PLCG1: variants seen among roughly 807,000 people sequenced by gnomAD.
The protein encoded by PLCG1 is 1-phosphatidylinositol 4,5-bisphosphate phosphodiesterase gamma-1.
A neutral mutation model predicts 177.8 loss-of-function variants in PLCG1; 71 were observed. The ratio of observed to expected loss-of-function variants is 0.40; its 90% CI spans 0.33 to 0.49. The LOEUF is 0.49. Ranked by LOEUF, PLCG1 falls within the 20% of genes least tolerant of loss-of-function variation. The probability of loss-of-function intolerance (pLI) is 0.72; values close to 1 mark genes in which losing one functional copy is unlikely to be tolerated. For synonymous variants in PLCG1, 658 were observed against 647.9 expected, an observed-to-expected ratio of 1.02 and a Z score of -0.24; for missense variants, 1,281 against 1,709.0, an observed-to-expected ratio of 0.75 and a Z score of 4.42.
chr20:41,172,135 T>C lies in PLCG1; in HGVS notation c.2809-58T>C. 1 of 1,399,174 alleles carries C rather than the reference T, an allele frequency of 7.1e-7. No individual in the cohort carries two copies. The highest frequency in any genetic ancestry group is 1.0e-6 in the Non-Finnish European group (1 of 983,834). The allele number at this position is 1,399,174 out of a possible 1,614,324, so 86.7% of individuals were successfully genotyped here. ...GGGCATGCCCAAGGTTGGCAGGGGCTTCCTTCTCCTGGGCAGGGCTGTAGC... is the reference window on the plus strand; with the variant it reads ...GGGCATGCCCAAGGTTGGCAGGGGCCTCCTTCTCCTGGGCAGGGCTGTAGC... On this transcript the variant is annotated intron_variant, in intron 24 of 31. Coordinates refer to ENST00000685551, the MANE Select transcript of PLCG1 (RefSeq NM_002660.3). The surrounding 1 kb of genome is among the most constrained non-coding windows in gnomAD (Gnocchi z 7.0).
In PLCG1 at chr20:41,173,883, G is replaced by A. The variant is rs2035980102; in HGVS notation, c.3557-40G>A. The A allele has an allele frequency of 6.2e-7, 1 of 1,611,992 alleles. No homozygotes were observed. Among genetic ancestry groups the A allele is most frequent in the South Asian group, 1.1e-5 (1 of 90,996 alleles). On this transcript the variant is annotated intron_variant, in intron 29 of 31. Transcript: ENST00000685551. This position sits in a 1 kb window ranked among gnomAD's most constrained non-coding sequence, Gnocchi z 6.2. ...AGGGTGGGGCTGGGCCCCTTGCTCT[G>A]TCCCTCGTGGGCTGAGGGCCAGGCT...
Position 41,163,968 on chromosome 20 carries a change from A to G in PLCG1, c.1058A>G (p.Tyr353Cys). The change falls in exon 11 of 32, where the codon TAT becomes TGT. Residue 353 changes from tyrosine (Y) to cysteine (C), a missense_variant. Physicochemically the swap from Tyr to Cys is radical, Grantham distance 194 (BLOSUM62 -2). Transcript: ENST00000685551. The surrounding 1 kb of genome is among the most constrained non-coding windows in gnomAD (Gnocchi z 5.2). Reference sequence around the variant, plus strand: ...TCCAGTGAGTCCTCCTTGGAAGCCTATGCTCGCTGCCTGCGGATGGGCTGT... The same window carrying G: ...TCCAGTGAGTCCTCCTTGGAAGCCTGTGCTCGCTGCCTGCGGATGGGCTGT... ...QFSSESSLEA[Y>C]ARCLRMGCRC... 1.2e-6 allele frequency: 2 copies of G among 1,614,112 alleles called. No homozygotes were observed. The highest frequency in any genetic ancestry group is 1.7e-6 in the Non-Finnish European group (2 of 1,180,012).
In PLCG1 at chr20:41,174,771, G is replaced by A; in HGVS notation, c.*262G>A. 1 of 498,818 alleles carries A rather than the reference G, an allele frequency of 2.0e-6. No homozygotes were observed. The highest frequency in any genetic ancestry group is 3.6e-6 in the Non-Finnish European group (1 of 274,662). The allele number at this position is 498,818 out of a possible 1,614,324, so 30.9% of individuals were successfully genotyped here. On this transcript the variant is annotated 3_prime_UTR_variant, in exon 32 of 32. Coordinates refer to ENST00000685551, the MANE Select transcript of PLCG1 (RefSeq NM_002660.3). The surrounding 1 kb of genome is among the most constrained non-coding windows in gnomAD (Gnocchi z 5.8). ...GCACACACATCTGGCCCTGACTTCT[G>A]GAGATGGATCCTTCCATCTTGTGGG...
rs200209936 is a variant in PLCG1, at chr20:41,169,197, T to G, written c.2580+22T>G. 557 of 1,499,138 alleles carry G rather than the reference T, an allele frequency of 3.7e-4. 4 individuals are homozygous for G. Among genetic ancestry groups the G allele is most frequent in the South Asian group, 3.2e-3 (282 of 88,696 alleles). The allele number at this position is 1,499,138 out of a possible 1,614,324, so 92.9% of individuals were successfully genotyped here. A position where few individuals can be genotyped will look rare whatever the true frequency, so the allele number is the denominator to read the frequency against. On this transcript the variant is annotated intron_variant, in intron 22 of 31. Coordinates refer to ENST00000685551, the MANE Select transcript of PLCG1 (RefSeq NM_002660.3). Reference sequence around the variant, plus strand: ...GGAGGTAAGACCAGAACCACCTGAGTAACAGCATTCCCTATTCCCAGATTC... The same window carrying G: ...GGAGGTAAGACCAGAACCACCTGAGGAACAGCATTCCCTATTCCCAGATTC...
chr20:41,173,269 C>T lies in PLCG1; in HGVS notation c.3280-151C>T. 1.3e-6 allele frequency: 1 copy of T among 776,384 alleles called. No individual in the cohort carries two copies. Among genetic ancestry groups the T allele is most frequent in the Non-Finnish European group, 2.0e-6 (1 of 492,650 alleles). 48.1% of individuals were successfully genotyped at this position (776,384 alleles called of 1,614,324 possible). On this transcript the variant is annotated intron_variant, in intron 27 of 31. Transcript: ENST00000685551. This position sits in a 1 kb window ranked among gnomAD's most constrained non-coding sequence, Gnocchi z 6.2. Reference sequence around the variant, plus strand: ...CAGCTGCTCTGGACAGCTTAGGGTCCCTGATGTCGTGAGGGACTCCATGGG... The same window carrying T: ...CAGCTGCTCTGGACAGCTTAGGGTCTCTGATGTCGTGAGGGACTCCATGGG...
Position 41,151,990 on chromosome 20 carries a change from G to A in PLCG1, c.218-7616G>A, listed in dbSNP as rs541300377. 1.3e-4 allele frequency among the ~76,000 whole-genome samples: 20 copies of A among 152,180 alleles called. No individual in the cohort carries two copies. Among genetic ancestry groups the A allele is most frequent in the African/African-American group, 3.4e-4 (14 of 41,444 alleles). On this transcript the variant is annotated intron_variant, in intron 1 of 31. Transcript: ENST00000685551. This position sits in a 1 kb window ranked among gnomAD's most constrained non-coding sequence, Gnocchi z 5.5. ...CCTGGGGATGGGGTGACTGAGGTAG[G>A]GGGCCAGAAGTGGCCCAGATGATAC...
chr20:41,168,108 G>A (rs897912545), intron 20 of PLCG1, among the ~76,000 whole-genome samples, 179 bp downstream of exon 20: 20 of 152,098 alleles, frequency 1.3e-4, no homozygotes, highest in African/African-American at 4.6e-4. Context: ...TCCCAGGGCC[G>A]ACCCACTCCC....
intron 1 of PLCG1, among the ~76,000 whole-genome samples, chr20:41,142,229 C>T (rs2034853706): frequency 6.6e-6 from 1 of 152,232 alleles, no homozygotes; most frequent in South Asian, 2.1e-4. Flanking sequence ...ATTACTGAGG[C>T]ACCTGTCTGT....
chr20:41,141,558 G>C (rs891227172), intron 1 of PLCG1, among the ~76,000 whole-genome samples: 3 of 152,224 alleles, frequency 2.0e-5, no homozygotes, highest in Non-Finnish European at 4.4e-5. Context: ...GCCCAGGCCG[G>C]TGTCATCAAG....
In PLCG1 at chr20:41,166,911, G is replaced by C; in HGVS notation, c.2301+52G>C. 1 of 1,525,480 alleles carries C rather than the reference G, an allele frequency of 6.6e-7. No homozygotes were observed. Among genetic ancestry groups the C allele is most frequent in the Non-Finnish European group, 9.1e-7 (1 of 1,101,872 alleles). 94.5% of individuals were successfully genotyped at this position (1,525,480 alleles called of 1,614,324 possible). ...TGGCAGGGGAGGCAGGAGAGACCCAGAATCTTACCAGTCTCTGGATGTGTG... is the reference window on the plus strand; with the variant it reads ...TGGCAGGGGAGGCAGGAGAGACCCACAATCTTACCAGTCTCTGGATGTGTG... On this transcript the variant is annotated intron_variant, in intron 19 of 31. Coordinates refer to ENST00000685551, the MANE Select transcript of PLCG1 (RefSeq NM_002660.3). This position sits in a 1 kb window ranked among gnomAD's most constrained non-coding sequence, Gnocchi z 8.6.
rs1021439415 is a variant in PLCG1, at chr20:41,177,230, G to C, written c.*2721G>C. The stretch of plus-strand genomic sequence containing the variant: ...CAAGTAGACTGGGTTCAAAGTGACA[G>C]ACCTTTCACTTTCAACAGCTTTGGC... On this transcript the variant is annotated 3_prime_UTR_variant, in exon 32 of 32. Transcript: ENST00000685551. The C allele has an allele frequency of 1.3e-5, 2 of 152,226 alleles. No homozygotes were observed. Among genetic ancestry groups the C allele is most frequent in the Non-Finnish European group, 2.9e-5 (2 of 68,052 alleles). The allele number at this position is 152,226 out of a possible 1,614,324, so 9.4% of individuals were successfully genotyped here. A position where few individuals can be genotyped will look rare whatever the true frequency, so the allele number is the denominator to read the frequency against.
rs1226857400 is a variant in PLCG1, at chr20:41,169,267, T to C, written c.2580+92T>C. On this transcript the variant is annotated intron_variant, in intron 22 of 31. Transcript: ENST00000685551. ...ACACAGTCCCAAGCACGCACGTGCA[T>C]GCACAGACACCTGTCACATGGGCTG... 6.8e-6 allele frequency: 7 copies of C among 1,030,816 alleles called. No homozygotes were observed. The African/African-American group carries it at 7.8e-5, about 12-fold the overall frequency. The allele number at this position is 1,030,816 out of a possible 1,614,324, so 63.9% of individuals were successfully genotyped here.
chr20:41,169,032 G>A (rs2035802773), intron 21 of PLCG1, 47 bp from the exon 22 acceptor site: 1 of 1,455,454 alleles, frequency 6.9e-7, no homozygotes, highest in Non-Finnish European at 9.7e-7. Flanking sequence ...CCTCCTCATG[G>A]GAGTTCGGGG....
rs2035132277 is a variant in PLCG1, at chr20:41,150,472, T to G, written c.218-9134T>G. Among the ~76,000 whole-genome samples, 1 of 152,084 alleles carries G rather than the reference T, an allele frequency of 6.6e-6. No individual in the cohort carries two copies. Among genetic ancestry groups the G allele is most frequent in the Non-Finnish European group, 1.5e-5 (1 of 68,000 alleles). On this transcript the variant is annotated intron_variant, in intron 1 of 31. Coordinates refer to ENST00000685551, the MANE Select transcript of PLCG1 (RefSeq NM_002660.3). This position sits in a 1 kb window ranked among gnomAD's most constrained non-coding sequence, Gnocchi z 4.0. ...AGTCTCTCTCCTGTAGCTAGGAGCC[T>G]GGCATACACAGGCCATCTAGAAAGA...
Position 41,172,864 on chromosome 20 carries a change from C to T in PLCG1, c.3266C>T (p.Ala1089Val), listed in dbSNP as rs764204467. Residue 1089 changes from alanine (A) to valine (V), a missense_variant, in exon 27 of 32, where the codon GCC becomes GTC. Coordinates refer to ENST00000685551, the MANE Select transcript of PLCG1 (RefSeq NM_002660.3). This position sits in a 1 kb window ranked among gnomAD's most constrained non-coding sequence, Gnocchi z 7.0. ...KSSLRGLEPCAISIEVLGARH... is the reference protein window; with the variant it reads ...KSSLRGLEPCVISIEVLGARH... ...AGCCTCCGCGGGCTGGAGCCATGTG[C>T]CATCTCTATTGAGGTGGGTGCTGCT... 6.2e-7 allele frequency: 1 copy of T among 1,613,994 alleles called. No homozygotes were observed. The highest frequency in any genetic ancestry group is 1.1e-5 in the South Asian group (1 of 91,054).
chr20:41,162,813 G>A, intron 6 of PLCG1, 88 bp downstream of exon 6: 1 of 1,367,060 alleles, frequency 7.3e-7, no homozygotes, highest in Non-Finnish European at 1.0e-6. Context: ...CTGCTGCCCT[G>A]CTTAGGGGCT....
chr20:41,170,188 G>C lies in PLCG1; in HGVS notation c.2727G>C (p.Leu909=). 6.2e-7 allele frequency: 1 copy of C among 1,614,124 alleles called. No homozygotes were observed. Among genetic ancestry groups the C allele is most frequent in the African/African-American group, 1.3e-5 (1 of 75,036 alleles). ...ISMASVAHWS[L]DVAADSQEEL... Reference sequence around the variant, plus strand: ...TGGCGTCGGTGGCCCACTGGTCCCTGGATGTTGCTGCCGACTCACAGGAGG... The same window carrying C: ...TGGCGTCGGTGGCCCACTGGTCCCTCGATGTTGCTGCCGACTCACAGGAGG... The change falls in exon 24 of 32, where the codon CTG becomes CTC. Residue 909 remains leucine, a synonymous_variant. Coordinates refer to ENST00000685551, the MANE Select transcript of PLCG1 (RefSeq NM_002660.3).
In PLCG1 at chr20:41,163,834, G is replaced by A. The variant is rs1232226431; in HGVS notation, c.1010+1G>A. The A allele has an allele frequency of 2.5e-6, 4 of 1,611,552 alleles. No individual in the cohort carries two copies. Among genetic ancestry groups the A allele is most frequent in the African/African-American group, 1.3e-5 (1 of 74,874 alleles). On this transcript the variant is annotated splice_donor_variant, in intron 10 of 31. Transcript: ENST00000685551. LOFTEE classifies it high-confidence loss of function. The surrounding 1 kb of genome is among the most constrained non-coding windows in gnomAD (Gnocchi z 5.2). ...ACTGGATCTCCTCCTCGCACAACAC[G>A]TGAGTGTGGCTCCTTCAGGCCCACC...
Position 41,162,440 on chromosome 20 carries a change from C to G in PLCG1, c.513-12C>G. On this transcript the variant is annotated splice_polypyrimidine_tract_variant and intron_variant, in intron 4 of 31. Transcript: ENST00000685551. ...CTGGATGAGACCACTGGGGATGTCC[C>G]TGTTTTCTCAGTATATCAGCCAAGG... The G allele has an allele frequency of 6.2e-7, 1 of 1,609,510 alleles. No homozygotes were observed. Among genetic ancestry groups the G allele is most frequent in the Non-Finnish European group, 8.5e-7 (1 of 1,175,970 alleles).
Sources: allele counts gnomAD v4.1 joint callset (sites outside exome capture counted in the v4.1 genomes callset), GRCh38; gene constraint gnomAD v4.1.1; non-coding constraint Gnocchi (gnomAD v3.1); transcripts MANE v1.5; gene names NCBI Gene and HGNC (gene_info 2026-07-23, HGNC 2026-07-21).